The following ERCC8 variants were observed in gnomAD, a reference collection of about 807,000 sequenced individuals.
ERCC8 encodes the protein ERCC excision repair 8, CSA ubiquitin ligase complex subunit.
A neutral mutation model predicts 54.9 loss-of-function variants in ERCC8; 52 were observed. That is an observed-to-expected ratio of 0.95 (90% CI 0.76 to 1.19). The LOEUF (loss-of-function observed/expected upper bound fraction) is 1.19, where lower values mean the gene tolerates loss of function less well. Ranked by LOEUF, ERCC8 falls within the 50% of genes most tolerant of loss-of-function variation. ERCC8 has a pLI of 0.00. For synonymous variants in ERCC8, 146 were observed against 157.2 expected, an observed-to-expected ratio of 0.93 and a Z score of 0.53; for missense variants, 514 against 466.1, an observed-to-expected ratio of 1.10 and a Z score of -0.95.
intron 1 of ERCC8, among the ~76,000 whole-genome samples, chr5:60,941,397 G>A (rs575722143): frequency 3.3e-5 from 5 of 152,038 alleles, no homozygotes; most frequent in Admixed American, 6.6e-5. Flanking sequence ...AAAAAAGATC[G>A]AAGGGAAAAA....
intron 9 of ERCC8, chr5:60,892,691 C>A: frequency 1.5e-6 from 1 of 675,758 alleles, no homozygotes. Context: ...CTGCCAGTCT[C>A]TAGATGTGGA....
At chr5:60,920,293 GCTC>G (rs1309579375) in intron 3 of ERCC8, among the ~76,000 whole-genome samples, 2 of 151,798 alleles carry the variant, frequency 1.3e-5, no homozygotes, top group Non-Finnish European at 2.9e-5. Flanking sequence ...ATTTCCTTTT[GCTC>G]CTAAGAATAT....
intron 4 of ERCC8, among the ~76,000 whole-genome samples, chr5:60,916,274 A>G (rs552811193): frequency 6.6e-6 from 1 of 152,192 alleles, no homozygotes; most frequent in East Asian, 1.9e-4. Flanking sequence ...TATGAAATTG[A>G]CTAAAGTCCC....
At chr5:60,939,117 TA>T (rs1750179673) in intron 1 of ERCC8, among the ~76,000 whole-genome samples, 1 of 152,208 alleles carries the variant, frequency 6.6e-6, no homozygotes, top group Non-Finnish European at 1.5e-5. Context: ...CTTCTTTACT[TA>T]ATGTCATGGT....
At chr5:60,918,502 G>A (rs530332230) in intron 3 of ERCC8, 114 bp from the exon 4 acceptor site, 7 of 855,308 alleles carry the variant, frequency 8.2e-6, no homozygotes, top group African/African-American at 5.0e-5. Context: ...GCCAAACCGA[G>A]ATCACATGCC....
intron 1 of ERCC8, among the ~76,000 whole-genome samples, chr5:60,941,516 A>G (rs1352980649): frequency 6.6e-6 from 1 of 152,104 alleles, no homozygotes; most frequent in African/African-American, 2.4e-5. Flanking sequence ...AACATTGGAA[A>G]AAATGGCTGG....
rs572455041 is a variant in ERCC8, at chr5:60,873,130, T to C, written c.*1485A>G. On this transcript the variant is annotated 3_prime_UTR_variant, in exon 12 of 12. Transcript: ENST00000676185. Reference sequence around the variant, plus strand: ...TATAGTTACAATTACAAGATTACTATTAATTTTGAAAAATAAGAGAATGGA... The same window carrying C: ...TATAGTTACAATTACAAGATTACTACTAATTTTGAAAAATAAGAGAATGGA... Among the ~76,000 whole-genome samples, 11 of 152,334 alleles carry C rather than the reference T, an allele frequency of 7.2e-5. No individual in the cohort carries two copies. The highest frequency in any genetic ancestry group is 2.6e-4 in the African/African-American group (11 of 41,580).
intron 4 of ERCC8, among the ~76,000 whole-genome samples, chr5:60,910,506 T>C (rs1318826078): frequency 6.6e-6 from 1 of 152,198 alleles, no homozygotes; most frequent in East Asian, 1.9e-4. Flanking sequence ...ACCTTTTAAT[T>C]CTTGAACATG....
At chr5:60,875,313 C>T (rs189786511) in intron 11 of ERCC8, among the ~76,000 whole-genome samples, 3 of 152,214 alleles carry the variant, frequency 2.0e-5, no homozygotes, top group East Asian at 1.9e-4. Flanking sequence ...ATGCAAAATA[C>T]GTCAGAAATG....
intron 4 of ERCC8, among the ~76,000 whole-genome samples, chr5:60,912,826 C>T (rs1043733801): frequency 2.6e-5 from 4 of 151,988 alleles, no homozygotes; most frequent in African/African-American, 9.7e-5. Context: ...TGTCAAAGGC[C>T]TTTTCTGCAT....
chr5:60,877,820 G>A (rs965786230), intron 11 of ERCC8, among the ~76,000 whole-genome samples: 7 of 152,170 alleles, frequency 4.6e-5, no homozygotes, highest in Non-Finnish European at 8.8e-5. Flanking sequence ...TCTGCAAACA[G>A]GGACAATTTG....
intron 5 of ERCC8, among the ~76,000 whole-genome samples, chr5:60,904,091 TGTATGTACA>T (rs1748982908): frequency 6.6e-6 from 1 of 152,096 alleles, no homozygotes; most frequent in African/African-American, 2.4e-5. Context: ...TGTGTATGTA[TGTATGTACA>T]GTTCTATTCC....
At chr5:60,880,662 A>T (rs1207384508) in intron 11 of ERCC8, among the ~76,000 whole-genome samples, 1 of 152,128 alleles carries the variant, frequency 6.6e-6, no homozygotes. Flanking sequence ...CAAATCAGCT[A>T]CTGAGGCTTG....
intron 4 of ERCC8, among the ~76,000 whole-genome samples, chr5:60,906,087 T>C (rs1457569536): frequency 2.0e-5 from 3 of 152,154 alleles, no homozygotes; most frequent in East Asian, 3.9e-4. Context: ...AGTTGTGATG[T>C]TATATGCAGG....
intron 4 of ERCC8, among the ~76,000 whole-genome samples, chr5:60,905,122 G>A (rs1749032611): frequency 6.6e-6 from 1 of 151,900 alleles, no homozygotes; most frequent in Admixed American, 6.6e-5. Context: ...GAAAATATAA[G>A]CCTGTGGCTC....
At chr5:60,915,399 C>G (rs891054695) in intron 4 of ERCC8, 2 of 152,068 alleles carry the variant, frequency 1.3e-5, no homozygotes, top group African/African-American at 2.4e-5. Flanking sequence ...TCAATTCAAA[C>G]ATAAAGCTTG....
In ERCC8 at chr5:60,922,015, A is replaced by G; in HGVS notation, c.275+39T>C. The G allele has an allele frequency of 2.1e-6, 3 of 1,422,398 alleles. No individual in the cohort carries two copies. In the South Asian group the frequency reaches 3.5e-5, roughly 17 times the overall value. The allele number at this position is 1,422,398 out of a possible 1,614,324, so 88.1% of individuals were successfully genotyped here. Reference sequence around the variant, plus strand: ...CATTCGATGCAAAAAATACTCAACTATTTACAAATTCATAAATTTTTACAT... The same window carrying G: ...CATTCGATGCAAAAAATACTCAACTGTTTACAAATTCATAAATTTTTACAT... On this transcript the variant is annotated intron_variant, in intron 3 of 11. Transcript: ENST00000676185.
Position 60,874,570 on chromosome 5 carries a change from A to G in ERCC8, c.*45T>C, listed in dbSNP as rs1747940394. 2.6e-6 allele frequency: 4 copies of G among 1,555,338 alleles called. No individual in the cohort carries two copies. Among genetic ancestry groups the G allele is most frequent in the Admixed American group, 1.7e-5 (1 of 59,494 alleles). ...ATACAGTTGAAAAAAACACAGTCTC[A>G]TTTAAAAAGTTTCAGCAGAGACAAA... On this transcript the variant is annotated 3_prime_UTR_variant, in exon 12 of 12. Coordinates refer to ENST00000676185, the MANE Select transcript of ERCC8 (RefSeq NM_000082.4).
At chr5:60,891,425 G>A (rs1443350573) in intron 9 of ERCC8, among the ~76,000 whole-genome samples, 2 of 152,060 alleles carry the variant, frequency 1.3e-5, no homozygotes, top group Non-Finnish European at 1.5e-5. Context: ...CATGTTGGTG[G>A]CAGTGTAATT....
Sources: allele counts gnomAD v4.1 joint callset (sites outside exome capture counted in the v4.1 genomes callset), GRCh38; gene constraint gnomAD v4.1.1; transcripts MANE v1.5; gene names NCBI Gene and HGNC (gene_info 2026-07-23, HGNC 2026-07-21).